SORCS1: variants seen among roughly 807,000 people sequenced by gnomAD.
SORCS1 encodes VPS10 domain-containing receptor SorCS1.
SORCS1 carries 60 observed loss-of-function variants against 146.1 expected under a neutral mutation model. The ratio of observed to expected loss-of-function variants is 0.41; its 90% CI spans 0.33 to 0.51. SORCS1 has a LOEUF of 0.51. Ranked by LOEUF, SORCS1 falls within the 20% of genes least tolerant of loss-of-function variation. The pLI is 0.21. For missense variants in SORCS1, 1,352 were observed against 1,487.6 expected (o/e 0.91, Z 1.50); for synonymous variants, 637 against 584.0 (o/e 1.09, Z -1.31).
At chr10:106,973,550 G>C (rs143066546) in intron 1 of SORCS1, among the ~76,000 whole-genome samples, 1 of 152,304 alleles carries the variant, frequency 6.6e-6, no homozygotes, top group Non-Finnish European at 1.5e-5. Context: ...TCTTGTAGGT[G>C]ACTCACAGAG....
At chr10:106,746,015 C>G (rs952863733) in intron 5 of SORCS1, among the ~76,000 whole-genome samples, 5 of 152,088 alleles carry the variant, frequency 3.3e-5, no homozygotes, top group African/African-American at 1.2e-4. Flanking sequence ...TACAAAATAC[C>G]TGACTAGTAC....
intron 23 of SORCS1, among the ~76,000 whole-genome samples, chr10:106,601,635 G>T (rs189951506): frequency 6.6e-6 from 1 of 152,262 alleles, no homozygotes; most frequent in Non-Finnish European, 1.5e-5. Flanking sequence ...ATATGGCTGT[G>T]GGCAGGGCCT....
chr10:106,606,682 C>G (rs1460348830), intron 23 of SORCS1, among the ~76,000 whole-genome samples: 2 of 152,120 alleles, frequency 1.3e-5, no homozygotes, highest in Non-Finnish European at 2.9e-5. Context: ...GTGCTCCCAC[C>G]CAAATCTCAT....
intron 1 of SORCS1, among the ~76,000 whole-genome samples, chr10:107,072,161 G>C (rs780259504): frequency 6.6e-6 from 1 of 152,146 alleles, no homozygotes; most frequent in African/African-American, 2.4e-5. Flanking sequence ...AGCAAATAAG[G>C]AACCAGCCCT....
chr10:107,095,785 G>T (rs532700356), intron 1 of SORCS1, among the ~76,000 whole-genome samples: 2 of 151,740 alleles, frequency 1.3e-5, no homozygotes, highest in South Asian at 4.2e-4. Flanking sequence ...AAATCATGAG[G>T]AATATTAAAA....
At chr10:107,055,375 T>C (rs1160962338) in intron 1 of SORCS1, among the ~76,000 whole-genome samples, 2 of 149,878 alleles carry the variant, frequency 1.3e-5, no homozygotes, top group Non-Finnish European at 2.9e-5. Flanking sequence ...GAGTTTAAGT[T>C]ATACAGGCAG....
At chr10:106,834,358 C>T (rs1324296872) in intron 2 of SORCS1, among the ~76,000 whole-genome samples, 2 of 152,156 alleles carry the variant, frequency 1.3e-5, no homozygotes, top group Non-Finnish European at 2.9e-5. Flanking sequence ...TGTGATTAGG[C>T]AACATTTAAT....
upstream of SORCS1, among the ~76,000 whole-genome samples, chr10:107,169,700 C>A (rs1302468668): frequency 6.6e-6 from 1 of 152,134 alleles, no homozygotes; most frequent in East Asian, 1.9e-4. Flanking sequence ...AGGTAGGGGG[C>A]AGTTTTTGCC....
At chr10:106,849,961 G>T (rs564141719) in intron 2 of SORCS1, among the ~76,000 whole-genome samples, 1 of 152,148 alleles carries the variant, frequency 6.6e-6, no homozygotes, top group East Asian at 1.9e-4. Context: ...CTCCAGCTGC[G>T]TGCTGGAAGA....
At chr10:106,713,211 G>A (rs748037528) in intron 6 of SORCS1, among the ~76,000 whole-genome samples, 1 of 152,140 alleles carries the variant, frequency 6.6e-6, no homozygotes, top group Non-Finnish European at 1.5e-5. Flanking sequence ...TGACATCATT[G>A]AGCTGTTGAT....
intron 1 of SORCS1, among the ~76,000 whole-genome samples, chr10:107,049,446 G>A (rs1051113846): frequency 1.3e-5 from 2 of 152,050 alleles, no homozygotes; most frequent in African/African-American, 4.8e-5. Flanking sequence ...AGGGCAGGTG[G>A]TGAGCTCTGC....
intron 3 of SORCS1, among the ~76,000 whole-genome samples, chr10:106,810,569 A>C (rs1292128023): frequency 3.9e-5 from 6 of 152,222 alleles, no homozygotes; most frequent in Non-Finnish European, 8.8e-5. Context: ...AATTCCAAGA[A>C]GCTCCCCTCC....
At chr10:107,014,271 AAG>A (rs781191270) in intron 1 of SORCS1, among the ~76,000 whole-genome samples, 1,475 of 134,018 alleles carry the variant, frequency 0.011, 14 homozygotes, top group Middle Eastern at 0.021. Context: ...AAAAAAAAAA[AAG>A]AAAAGAAAAA....
intron 1 of SORCS1, among the ~76,000 whole-genome samples, chr10:107,070,998 T>C (rs1390292629): frequency 2.6e-5 from 4 of 152,174 alleles, no homozygotes; most frequent in Non-Finnish European, 5.9e-5. Flanking sequence ...TGGCATCTAC[T>C]AGGTGCTTGA....
At chr10:107,057,887 T>G (rs1960800667) in intron 1 of SORCS1, among the ~76,000 whole-genome samples, 1 of 152,154 alleles carries the variant, frequency 6.6e-6, no homozygotes, top group East Asian at 1.9e-4. Context: ...GGCATGGTCA[T>G]CGCACTCTAC....
chr10:107,176,963 C>T, the SORCS1 span, among the ~76,000 whole-genome samples: 40 of 152,062 alleles, frequency 2.6e-4, no homozygotes, highest in Admixed American at 2.6e-4. Context: ...TCAAAATTGT[C>T]AATCATATGT....
intron 1 of SORCS1, among the ~76,000 whole-genome samples, chr10:107,127,374 G>C (rs1187432516): frequency 6.6e-6 from 1 of 152,012 alleles, no homozygotes; most frequent in Non-Finnish European, 1.5e-5. Context: ...GCCTCCATAG[G>C]TCTGGACTCC....
At chr10:106,752,894 T>G (rs1188778739) in intron 5 of SORCS1, among the ~76,000 whole-genome samples, 1 of 152,114 alleles carries the variant, frequency 6.6e-6, no homozygotes, top group African/African-American at 2.4e-5. Flanking sequence ...GTATTCACAC[T>G]GGGATATGAG....
intron 22 of SORCS1, among the ~76,000 whole-genome samples, chr10:106,610,099 G>T (rs546990560): frequency 6.6e-6 from 1 of 152,282 alleles, no homozygotes; most frequent in East Asian, 1.9e-4. Flanking sequence ...TGGTGATAAT[G>T]TGTAACCACC....
Sources: gnomAD v4.1 joint callset for allele counts (sites outside exome capture counted in the v4.1 genomes callset) on GRCh38, gnomAD v4.1.1 for gene constraint, MANE v1.5 for transcripts, NCBI Gene and HGNC (gene_info 2026-07-23, HGNC 2026-07-21) for gene names.